The following MYC variants were observed in gnomAD, a reference collection of about 807,000 sequenced individuals.
MYC encodes myc proto-oncogene protein.
Under a neutral mutation model 30.5 loss-of-function variants are expected in MYC, and 1 was observed. That is an observed-to-expected ratio of 0.03 (90% confidence interval 0.01 to 0.16). The LOEUF (loss-of-function observed/expected upper bound fraction) is 0.16. Among genes scored for constraint, MYC ranks in the 10% least tolerant of loss-of-function variants. The probability of loss-of-function intolerance (pLI) is 1.00; values close to 1 mark genes in which losing one functional copy is unlikely to be tolerated. For missense variants in MYC, 508 were observed against 589.0 expected (o/e 0.86, Z 1.42); for synonymous variants, 267 against 250.7 (o/e 1.07, Z -0.62).
intron 2 of MYC, among the ~76,000 whole-genome samples, chr8:127,739,813 A>C (rs2130100184): frequency 6.6e-6 from 1 of 152,248 alleles, no homozygotes; most frequent in African/African-American, 2.4e-5. Flanking sequence ...GGGTGTGTCC[A>C]AAGCCTCATT....
rs1174895022 is a variant in MYC at position 127,741,710 on chromosome 8, A to G, written c.*752A>G. Among the ~76,000 whole-genome samples the G allele has an allele frequency of 1.3e-5, 2 of 152,244 alleles. No homozygotes were observed. Among genetic ancestry groups the G allele is most frequent in the Non-Finnish European group, 2.9e-5 (2 of 68,046 alleles). ...GGAGATACAAGAGGTCAAAGGTAGC[A>G]GTTAAGTACACAAAGAGGCATAAGG... is the stretch of plus-strand genomic sequence containing the variant. On this transcript the variant is annotated 3_prime_UTR_variant, in exon 3 of 3. Coordinates refer to ENST00000621592, the MANE Select transcript of MYC (RefSeq NM_002467.6).
chr8:127,739,204 C>G (rs1376884122), intron 2 of MYC, among the ~76,000 whole-genome samples, 185 bp downstream of exon 2: 2 of 152,224 alleles, frequency 1.3e-5, no homozygotes, highest in Non-Finnish European at 2.9e-5. Context: ...TCCCCTTAGA[C>G]TGCCCATGTT....
chr8:127,736,064 C>T (rs1008472029), upstream of MYC: 6 of 406,344 alleles, frequency 1.5e-5, no homozygotes, highest in Middle Eastern at 6.2e-4. Flanking sequence ...GTCTGGACGG[C>T]TGAGGACCCC....
Position 127,740,970 on chromosome 8 carries a change from G to A in MYC, c.*12G>A, listed in dbSNP as rs1452207357. Reference sequence around the variant, plus strand: ...ACTCTTGTGCGTAAGGAAAAGTAAGGAAAACGATTCCTTCTAACAGAAATG... The same window carrying A: ...ACTCTTGTGCGTAAGGAAAAGTAAGAAAAACGATTCCTTCTAACAGAAATG... On this transcript the variant is annotated 3_prime_UTR_variant, in exon 3 of 3. Coordinates refer to ENST00000621592, the MANE Select transcript of MYC (RefSeq NM_002467.6). 1.3e-6 allele frequency: 2 copies of A among 1,534,588 alleles called. No individual in the cohort carries two copies. Among genetic ancestry groups the A allele is most frequent in the South Asian group, 2.6e-5 (2 of 76,972 alleles).
rs1053336677 is a variant in MYC at position 127,741,319 on chromosome 8, C to T, written c.*361C>T. The T allele has an allele frequency of 4.1e-6, 1 of 241,390 alleles. No individual in the cohort carries two copies. The highest frequency in any genetic ancestry group is 8.0e-6 in the Non-Finnish European group (1 of 124,322). The allele number at this position is 241,390 out of a possible 1,614,324, so 15.0% of individuals were successfully genotyped here. The stretch of plus-strand genomic sequence containing the variant: ...TATATAGTACCTAGTATTATAGGTA[C>T]TATAAACCCTAATTTTTTTTATTTA... On this transcript the variant is annotated 3_prime_UTR_variant, in exon 3 of 3. Transcript: ENST00000621592.
intron 1 of MYC, among the ~76,000 whole-genome samples, chr8:127,737,617 C>T (rs1448879239): frequency 6.6e-6 from 1 of 151,482 alleles, no homozygotes. Context: ...CGGCTGAGCT[C>T]GCCACTCCAG....
upstream of MYC, chr8:127,735,436 A>T: frequency 2.5e-6 from 1 of 399,220 alleles, no homozygotes; most frequent in Non-Finnish European, 4.4e-6. Context: ...ATGCAATGGG[A>T]GTTTATTCAT....
Position 127,738,919 on chromosome 8 carries a change from C to T in MYC, c.702C>T (p.Ser234=), listed in dbSNP as rs750863627. The T allele has an allele frequency of 3.2e-5, 51 of 1,609,036 alleles. No individual in the cohort carries two copies. Among genetic ancestry groups the T allele is most frequent in the Non-Finnish European group, 4.2e-5 (50 of 1,179,944 alleles). The change falls in exon 2 of 3, where the codon TCC becomes TCT. Residue 234 remains serine (S), a synonymous_variant. Transcript: ENST00000621592. The surrounding 1 kb of genome is among the most constrained non-coding windows in gnomAD (Gnocchi z 7.6). ...AAGACTCCAGCGCCTTCTCTCCGTC[C>T]TCGGATTCTCTGCTCTCCTCGACGG...
Position 127,740,821 on chromosome 8 carries a change from A to G in MYC, c.1228A>G (p.Ile410Val). The G allele has an allele frequency of 1.2e-6, 2 of 1,614,148 alleles. No homozygotes were observed. The highest frequency in any genetic ancestry group is 2.2e-5 in the East Asian group (1 of 44,882). Residue 410 changes from isoleucine to valine, a missense_variant, in exon 3 of 3, where the codon ATC becomes GTC. By Grantham distance (29) the Ile-to-Val change is conservative. Coordinates refer to ENST00000621592, the MANE Select transcript of MYC (RefSeq NM_002467.6). ...CAATGAAAAGGCCCCCAAGGTAGTTATCCTTAAAAAAGCCACAGCATACAT... is the reference window on the plus strand; with the variant it reads ...CAATGAAAAGGCCCCCAAGGTAGTTGTCCTTAAAAAAGCCACAGCATACAT...
At chr8:127,739,797 T>G (rs1482774654) in intron 2 of MYC, among the ~76,000 whole-genome samples, 1 of 152,102 alleles carries the variant, frequency 6.6e-6, no homozygotes, top group African/African-American at 2.4e-5. Flanking sequence ...GAATGTGCTT[T>G]GCTTTGGGTG....
Position 127,741,212 on chromosome 8 carries a change from A to G in MYC, c.*254A>G, listed in dbSNP as rs1210404336. The G allele has an allele frequency of 2.8e-6, 1 of 359,300 alleles. No individual in the cohort carries two copies. Among genetic ancestry groups the G allele is most frequent in the Non-Finnish European group, 5.0e-6 (1 of 200,022 alleles). The allele number at this position is 359,300 out of a possible 1,614,324, so 22.3% of individuals were successfully genotyped here. A position where few individuals can be genotyped will look rare whatever the true frequency, so the allele number is the denominator to read the frequency against. ...TTTAAAAAATTTTAAGATTTACACA[A>G]TGTTTCTCTGTAAATATTGCCATTA... On this transcript the variant is annotated 3_prime_UTR_variant, in exon 3 of 3. Coordinates refer to ENST00000621592, the MANE Select transcript of MYC (RefSeq NM_002467.6).
chr8:127,736,056 C>G (rs1813580580), upstream of MYC: 1 of 402,806 alleles, frequency 2.5e-6, no homozygotes, highest in South Asian at 1.2e-4. Context: ...ATGCGAGGGT[C>G]TGGACGGCTG....
At chr8:127,737,215 T>C (rs1007472958) in intron 1 of MYC, among the ~76,000 whole-genome samples, 3 of 152,282 alleles carry the variant, frequency 2.0e-5, no homozygotes, top group Admixed American at 6.5e-5. Context: ...ATTTGGCTTT[T>C]TAAAAAGCAA....
Position 127,741,500 on chromosome 8 carries a change from A to G in MYC, c.*542A>G, listed in dbSNP as rs566471603. On this transcript the variant is annotated 3_prime_UTR_variant, in exon 3 of 3. Transcript: ENST00000621592. ...CCACCATCCCTGTTTGTTTTCATCA[A>G]TTGCCCCTTCAGAGGGTGGTCTTAA... 1.4e-4 allele frequency: 28 copies of G among 196,752 alleles called. No individual in the cohort carries two copies. In the South Asian group the frequency reaches 1.9e-3, roughly 14 times the overall value. The allele number at this position is 196,752 out of a possible 1,614,324, so 12.2% of individuals were successfully genotyped here. A position where few individuals can be genotyped will look rare whatever the true frequency, so the allele number is the denominator to read the frequency against.
intron 2 of MYC, 82 bp from the exon 3 acceptor site, chr8:127,740,314 G>A (rs1023103600): frequency 5.1e-6 from 7 of 1,382,618 alleles, no homozygotes; most frequent in Non-Finnish European, 6.9e-6. Context: ...TTCATGCCTT[G>A]TATTTGTACA....
At position 127,740,483 on chromosome 8, in the gene MYC, C is replaced by A. The variant is rs150629172; in HGVS notation, c.890C>A (p.Pro297His). 1.2e-5 allele frequency: 19 copies of A among 1,614,066 alleles called. No individual in the cohort carries two copies. In the African/African-American group the frequency reaches 2.3e-4, roughly 19 times the overall value. Residue 297 changes from proline to histidine, a missense_variant, in exon 3 of 3, where the codon CCT becomes CAT. Pro to His is a moderately conservative substitution (Grantham distance 77, BLOSUM62 -2). Around this residue, in one of 5 missense-constraint regions of MYC, gnomAD observed 364 missense variants for 381.1 expected, o/e 0.96. Transcript: ENST00000621592. ...GGCAAAAGGTCAGAGTCTGGATCAC[C>A]TTCTGCTGGAGGCCACAGCAAACCT...
intron 1 of MYC, among the ~76,000 whole-genome samples, chr8:127,737,699 G>C (rs1022182321): frequency 2.6e-5 from 4 of 151,924 alleles, no homozygotes; most frequent in Admixed American, 2.0e-4. Flanking sequence ...GGGGACGGGG[G>C]CGGTGGAGAG....
In MYC at chr8:127,741,006, T is replaced by A. The variant is rs907487353; in HGVS notation, c.*48T>A. On this transcript the variant is annotated 3_prime_UTR_variant, in exon 3 of 3. Transcript: ENST00000621592. ...CTTCTAACAGAAATGTCCTGAGCAA[T>A]CACCTATGAACTTGTTTCAAATGCA... is the stretch of plus-strand genomic sequence containing the variant. 1.3e-6 allele frequency: 2 copies of A among 1,492,734 alleles called. No individual in the cohort carries two copies. Among genetic ancestry groups the A allele is most frequent in the Non-Finnish European group, 1.8e-6 (2 of 1,121,504 alleles). 92.5% of individuals were successfully genotyped at this position (1,492,734 alleles called of 1,614,324 possible).
chr8:127,742,753 G>A lies in MYC; in HGVS notation c.*1795G>A, dbSNP rs746955010. On this transcript the variant is annotated 3_prime_UTR_variant, in exon 3 of 3. Transcript: ENST00000621592. ...CCTGAGTCCTTGAAAAGGTATTTTTGAACATGTGTATTAATTATAAGCCTC... is the reference window on the plus strand; with the variant it reads ...CCTGAGTCCTTGAAAAGGTATTTTTAAACATGTGTATTAATTATAAGCCTC... Among the ~76,000 whole-genome samples the A allele has an allele frequency of 3.3e-5, 5 of 152,032 alleles. No homozygotes were observed. Among genetic ancestry groups the A allele is most frequent in the African/African-American group, 4.8e-5 (2 of 41,382 alleles).
Sources: gnomAD v4.1 joint callset for allele counts (sites outside exome capture counted in the v4.1 genomes callset) on GRCh38, gnomAD v4.1.1 for gene constraint, gnomAD v4.1.1 regional missense constraint, Gnocchi (gnomAD v3.1) non-coding constraint, MANE v1.5 for transcripts, NCBI Gene and HGNC (gene_info 2026-07-23, HGNC 2026-07-21) for gene names.